Variants in AMOT observed in about 807,000 individuals in gnomAD.
AMOT encodes the protein angiomotin.
In AMOT, 11 loss-of-function variants were observed where a neutral mutation model predicts 67.0. That is an observed-to-expected ratio of 0.16 (90% CI 0.10 to 0.27). The LOEUF (loss-of-function observed/expected upper bound fraction) is 0.27. Ranked by LOEUF, AMOT falls within the 10% of genes least tolerant of loss-of-function variation. The pLI is 1.00. For synonymous variants in AMOT, 326 were observed against 321.4 expected (o/e 1.01, Z -0.15); for missense variants, 753 against 852.0 (o/e 0.88, Z 1.45).
Position 112,778,576 on chromosome X carries a change from A to C in AMOT, c.3246T>G (p.Tyr1082Ter). Residue 1082 changes from tyrosine to a stop codon, truncating the protein, a stop_gained, in exon 14 of 14, where the codon TAT becomes TAG. Coordinates refer to ENST00000371959, the MANE Select transcript of AMOT (RefSeq NM_001113490.2). LOFTEE classifies it high-confidence loss of function. ...GQEPDAEMVE[Y>*]LI The stretch of plus-strand genomic sequence containing the variant: ...CTCTTGATTTGGCCGTTTAGATGAG[A>C]TATTCCACCATCTCTGCATCAGGCT... The C allele has an allele frequency of 8.3e-7, 1 of 1,204,424 alleles. No individual in the cohort carries two copies. The highest frequency in any genetic ancestry group is 1.1e-6 in the Non-Finnish European group (1 of 890,756).
chrX:112,831,904 C>T (rs969269430), intron 2 of AMOT, among the ~76,000 whole-genome samples: 4 of 110,807 alleles, frequency 3.6e-5, no homozygotes, highest in East Asian at 2.8e-4. Context: ...TTATTTATCC[C>T]GATGGCCTTT....
At chrX:112,800,193 T>C (rs1465751249) in intron 8 of AMOT, among the ~76,000 whole-genome samples, 1 of 110,447 alleles carries the variant, frequency 9.1e-6, no homozygotes, top group Non-Finnish European at 1.9e-5. Flanking sequence ...ATCAGGCCAC[T>C]GCTGTCCAGC....
At position 112,811,359 on chromosome X, in the gene AMOT, T is replaced by C. The variant is rs1215364133; in HGVS notation, c.1427A>G (p.Tyr476Cys). ...ETEIQRVSEA[Y>C]ENLVKSSSKR... The stretch of plus-strand genomic sequence containing the variant: ...GGAGGATGACTTCACGAGGTTCTCA[T>C]ATGCCTCCGAGACGCGCTGGATTTC... The change falls in exon 6 of 14, where the codon TAT becomes TGT. Residue 476 changes from tyrosine to cysteine, a missense_variant. Physicochemically the swap from Tyr to Cys is radical, Grantham distance 194. Transcript: ENST00000371959. 8.3e-7 allele frequency: 1 copy of C among 1,207,264 alleles called. No homozygotes were observed. Among genetic ancestry groups the C allele is most frequent in the Non-Finnish European group, 1.1e-6 (1 of 893,872 alleles).
chrX:112,782,809 G>A (rs935852173), intron 10 of AMOT, 147 bp from the exon 11 acceptor site: 80 of 726,327 alleles, frequency 1.1e-4, no homozygotes, highest in African/African-American at 7.6e-4. Context: ...GAACTAACCC[G>A]TAAGAGCCTC....
At chrX:112,814,983 G>A (rs1934495316) in intron 5 of AMOT, among the ~76,000 whole-genome samples, 1 of 112,083 alleles carries the variant, frequency 8.9e-6, no homozygotes, top group Admixed American at 9.4e-5. Context: ...TTGGGAAAAT[G>A]TGACCAAGAC....
chrX:112,803,180 T>C (rs1182101239), intron 8 of AMOT, among the ~76,000 whole-genome samples: 1 of 111,764 alleles, frequency 8.9e-6, no homozygotes, highest in Admixed American at 9.5e-5. Flanking sequence ...CATTTTCTTT[T>C]TGGGAGGTGA....
Position 112,779,589 on chromosome X carries a change from G to A in AMOT, c.2565C>T (p.Ser855=). 1 of 1,211,253 alleles carries A rather than the reference G, an allele frequency of 8.3e-7. No individual in the cohort carries two copies. The highest frequency in any genetic ancestry group is 1.1e-6 in the Non-Finnish European group (1 of 895,419). ...TACTGCAGTCTCGGCTGCCTGTCTT[G>A]GAGTGAGCCGAGAGCAGGGGAGTCG... ...PPSTPLLSAH[S]KTGSRDCSTQ... The change falls in exon 13 of 14, where the codon TCC becomes TCT. Residue 855 remains serine (S), a synonymous_variant. Coordinates refer to ENST00000371959, the MANE Select transcript of AMOT (RefSeq NM_001113490.2).
At chrX:112,786,383 T>C in intron 10 of AMOT, among the ~76,000 whole-genome samples, 1 of 112,180 alleles carries the variant, frequency 8.9e-6, no homozygotes, top group Non-Finnish European at 1.9e-5. Context: ...ACTGGGTGGG[T>C]TATCTTGTCA....
rs1283225892 is a variant in AMOT, at chrX:112,822,374, A to T, written c.753T>A (p.Ser251=). 6.0e-6 allele frequency: 7 copies of T among 1,166,001 alleles called. No individual in the cohort carries two copies. Residue 251 remains serine, a synonymous_variant, in exon 4 of 14, where the codon TCT becomes TCA. Transcript: ENST00000371959. ...EYPFKGMPPQ[S]VVCKPQEPGH... ...CTGGCTCTTGGGGCTTGCACACTACAGATTGGGGTGGCATGCCCTTGAAGG... is the reference window on the plus strand; with the variant it reads ...CTGGCTCTTGGGGCTTGCACACTACTGATTGGGGTGGCATGCCCTTGAAGG...
intron 8 of AMOT, among the ~76,000 whole-genome samples, chrX:112,798,062 C>T (rs1001225384): frequency 8.9e-6 from 1 of 111,868 alleles, no homozygotes; most frequent in East Asian, 2.8e-4. Context: ...CCTCAAACTA[C>T]TTGATGCTTT....
At position 112,775,457 on chromosome X, in the gene AMOT, C is replaced by T. The variant is rs1932918653; in HGVS notation, c.*3110G>A. The stretch of plus-strand genomic sequence containing the variant: ...TGTCATAAAAAGTAGTTTGCACAAT[C>T]AATCAGTTTGTTCATTTTCCAATTG... On this transcript the variant is annotated 3_prime_UTR_variant, in exon 14 of 14. Transcript: ENST00000371959. The T allele has an allele frequency of 8.9e-6, 1 of 112,162 alleles. No individual in the cohort carries two copies. The highest frequency in any genetic ancestry group is 9.5e-5 in the Admixed American group (1 of 10,536). 9.2% of individuals were successfully genotyped at this position (112,162 alleles called of 1,213,427 possible). A position where few individuals can be genotyped will look rare whatever the true frequency, so the allele number is the denominator to read the frequency against.
At chrX:112,809,689 C>T (rs779548009) in intron 7 of AMOT, among the ~76,000 whole-genome samples, 17 of 110,762 alleles carry the variant, frequency 1.5e-4, no homozygotes, top group South Asian at 7.6e-4. Flanking sequence ...TGTGATGTGA[C>T]GAGATGTTGT....
intron 4 of AMOT, among the ~76,000 whole-genome samples, chrX:112,819,947 T>C (rs1280094952): frequency 1.8e-5 from 2 of 112,388 alleles, no homozygotes; most frequent in Non-Finnish European, 3.8e-5. Context: ...ACTCACAAAC[T>C]GTATAGCTAG....
In AMOT at chrX:112,779,074, A is replaced by T. The variant is rs897456274; in HGVS notation, c.3080T>A (p.Val1027Asp). Residue 1027 changes from valine to aspartate, a missense_variant, in exon 13 of 14, where the codon GTT becomes GAT. By Grantham distance (152) the Val-to-Asp change is radical (BLOSUM62 -3). Coordinates refer to ENST00000371959, the MANE Select transcript of AMOT (RefSeq NM_001113490.2). ...AGGACCGGTAGCTGGACTTGCAGGA[A>T]CCTCAGCCTGAGCCACAGCTGGAGT... is the stretch of plus-strand genomic sequence containing the variant. ...TPTPAVAQAE[V>D]PASPATGPGP... is the part of the protein sequence containing the mutation. The T allele has an allele frequency of 4.3e-6, 5 of 1,158,950 alleles. No individual in the cohort carries two copies. In the African/African-American group the frequency reaches 8.9e-5, roughly 21 times the overall value.
Position 112,779,164 on chromosome X carries a change from G to T in AMOT, c.2990C>A (p.Ala997Asp). The T allele has an allele frequency of 1.1e-6, 1 of 906,745 alleles. No individual in the cohort carries two copies. The highest frequency in any genetic ancestry group is 1.6e-6 in the Non-Finnish European group (1 of 616,930). The allele number at this position is 906,745 out of a possible 1,213,427, so 74.7% of individuals were successfully genotyped here. A position where few individuals can be genotyped will look rare whatever the true frequency, so the allele number is the denominator to read the frequency against. Reference protein sequence around the residue: ...VPAPAAAQASAPAQTQAPTSA... With the variant: ...VPAPAAAQASDPAQTQAPTSA... ...AGTTGGTGCCTGAGTCTGAGCAGGA[G>T]CAGAAGCCTGAGCCGCTGCTGGAGC... is the stretch of plus-strand genomic sequence containing the variant. Residue 997 changes from alanine (A) to aspartate (D), a missense_variant, in exon 13 of 14, where the codon GCT (alanine) becomes GAT (aspartate). By Grantham distance (126) the Ala-to-Asp change is moderately radical (BLOSUM62 -2). Coordinates refer to ENST00000371959, the MANE Select transcript of AMOT (RefSeq NM_001113490.2).
chrX:112,828,743 C>T (rs749890521), intron 2 of AMOT, among the ~76,000 whole-genome samples: 42 of 111,405 alleles, frequency 3.8e-4, no homozygotes, highest in African/African-American at 1.0e-3. Context: ...GTTTTTATAA[C>T]GCCTAGGGCA....
intron 10 of AMOT, among the ~76,000 whole-genome samples, chrX:112,787,883 T>G (rs967936646): frequency 8.9e-6 from 1 of 112,164 alleles, no homozygotes; most frequent in Non-Finnish European, 1.9e-5. Context: ...CCTTCTTGCT[T>G]TCACATCTTC....
At chrX:112,805,909 T>C (rs2047196198) in intron 7 of AMOT, among the ~76,000 whole-genome samples, 1 of 111,659 alleles carries the variant, frequency 9.0e-6, no homozygotes, top group African/African-American at 3.3e-5. Flanking sequence ...CATCCTCTAT[T>C]TGTGAATCTC....
intron 2 of AMOT, among the ~76,000 whole-genome samples, chrX:112,827,311 T>C (rs1172537989): frequency 8.9e-6 from 1 of 112,717 alleles, no homozygotes; most frequent in Non-Finnish European, 1.9e-5. Context: ...CAGTTTACTA[T>C]TTTTTTCTTA....
Sources: allele counts gnomAD v4.1 joint callset (sites outside exome capture counted in the v4.1 genomes callset), GRCh38; gene constraint gnomAD v4.1.1; transcripts MANE v1.5; gene names NCBI Gene and HGNC (gene_info 2026-07-23, HGNC 2026-07-21).